Variants in NLGN4X observed in about 807,000 individuals in gnomAD.
NLGN4X encodes neuroligin 4 X-linked, also known as neuroligin-4, X-linked.
NLGN4X carries 3 observed loss-of-function variants against 40.3 expected under a neutral mutation model. The observed-to-expected ratio is 0.07, with a 90% CI of 0.03 to 0.19. The LOEUF (loss-of-function observed/expected upper bound fraction) is 0.19. Ranked by LOEUF, NLGN4X falls within the 10% of genes least tolerant of loss-of-function variation. The pLI is 1.00. For missense variants in NLGN4X, 382 were observed against 708.3 expected, an observed-to-expected ratio of 0.54 and a Z score of 5.23; for synonymous variants, 270 against 306.8, an observed-to-expected ratio of 0.88 and a Z score of 1.25.
chrX:6,121,056 C>A (rs1282274445), intron 2 of NLGN4X, among the ~76,000 whole-genome samples: 1 of 110,416 alleles, frequency 9.1e-6, no homozygotes, highest in Non-Finnish European at 1.9e-5. Context: ...TGAGCTTCGT[C>A]CAAAATCATT....
Position 5,892,586 on chromosome X carries a change from C to T in NLGN4X, c.*231G>A. 2.4e-6 allele frequency: 1 copy of T among 424,186 alleles called. No homozygotes were observed. Among genetic ancestry groups the T allele is most frequent in the Non-Finnish European group, 4.1e-6 (1 of 245,118 alleles). The allele number at this position is 424,186 out of a possible 1,213,427, so 35.0% of individuals were successfully genotyped here. Reference sequence around the variant, plus strand: ...GTTATTTTAACAGAAATGTGTACTTCTCACATTTCACAGGGTCAGAAGTTG... The same window carrying T: ...GTTATTTTAACAGAAATGTGTACTTTTCACATTTCACAGGGTCAGAAGTTG... On this transcript the variant is annotated 3_prime_UTR_variant, in exon 6 of 6. Coordinates refer to ENST00000381095, the MANE Select transcript of NLGN4X (RefSeq NM_181332.3).
At chrX:5,910,879 T>C (rs1185391182) in intron 3 of NLGN4X, among the ~76,000 whole-genome samples, 1 of 111,687 alleles carries the variant, frequency 9.0e-6, no homozygotes, top group African/African-American at 3.3e-5. Flanking sequence ...GTGATCTTCT[T>C]TAAAGTTCAG....
chrX:5,945,050 C>T (rs1486869273), intron 3 of NLGN4X, among the ~76,000 whole-genome samples: 2 of 112,064 alleles, frequency 1.8e-5, no homozygotes, highest in Non-Finnish European at 3.8e-5. Context: ...TAATAAGTAA[C>T]ACTAATAACA....
At chrX:5,980,199 TA>T (rs2035342902) in intron 3 of NLGN4X, among the ~76,000 whole-genome samples, 1 of 105,704 alleles carries the variant, frequency 9.5e-6, no homozygotes, top group African/African-American at 3.6e-5. Context: ...ATATGTCTAA[TA>T]CCATATATAC....
At chrX:6,038,110 C>T (rs1346840378) in intron 2 of NLGN4X, among the ~76,000 whole-genome samples, 3 of 112,045 alleles carry the variant, frequency 2.7e-5, no homozygotes, top group Non-Finnish European at 3.8e-5. Flanking sequence ...ATCATTCCAA[C>T]GGGGCAGGAA....
In NLGN4X at chrX:6,221,018, G is replaced by A. The variant is rs746680403; in HGVS notation, c.-306+7523C>T. On this transcript the variant is annotated intron_variant, in intron 1 of 5. Transcript: ENST00000381095. ...CTCCCAAAGTGCTGGGATTACAGGC[G>A]TGAGCCACCACGCCTGGCCAACTTT... Among the ~76,000 whole-genome samples the A allele has an allele frequency of 7.3e-5, 8 of 110,278 alleles. No individual in the cohort carries two copies. In the South Asian group the frequency reaches 1.1e-3, roughly 16 times the overall value.
rs1185857980 is a variant in NLGN4X at position 5,899,676 on chromosome X, TTCTG to T, written c.1601+3397_1601+3400del. On this transcript the variant is annotated intron_variant, in intron 5 of 5. Transcript: ENST00000381095. ...GAACTAATTAACTTCCTTTATCTTT[TTCTG>T]TCTTTTTTCCTTTTTTTTTTTTTTT... Among the ~76,000 whole-genome samples, 7 of 104,255 alleles carry T rather than the reference TTCTG, an allele frequency of 6.7e-5. No individual in the cohort carries two copies. The East Asian group carries it at 2.0e-3, about 29-fold the overall frequency. The allele number at this position is 104,255 out of a possible 115,157, so 90.5% of individuals were successfully genotyped here.
chrX:6,046,868 T>C (rs202149672), intron 2 of NLGN4X, among the ~76,000 whole-genome samples: 2 of 38,543 alleles, frequency 5.2e-5, no homozygotes, highest in Admixed American at 5.1e-4. Flanking sequence ...TATATACACA[T>C]GTCTGTATAC....
chrX:6,140,158 A>T (rs1166979039), intron 2 of NLGN4X, among the ~76,000 whole-genome samples: 1 of 111,307 alleles, frequency 9.0e-6, no homozygotes, highest in African/African-American at 3.3e-5. Context: ...TCTTGTTGAA[A>T]CCCACCACAA....
At chrX:6,055,489 G>C (rs910390372) in intron 2 of NLGN4X, among the ~76,000 whole-genome samples, 1 of 111,400 alleles carries the variant, frequency 9.0e-6, no homozygotes, top group Non-Finnish European at 1.9e-5. Flanking sequence ...AACTACTATA[G>C]GGTGCTGGTT....
intron 3 of NLGN4X, among the ~76,000 whole-genome samples, chrX:5,950,639 T>C (rs989505264): frequency 8.9e-6 from 1 of 112,101 alleles, no homozygotes; most frequent in Non-Finnish European, 1.9e-5. Flanking sequence ...TGAAAGTGTA[T>C]AACCATAAGG....
chrX:6,075,677 G>A (rs1477872880), intron 2 of NLGN4X, among the ~76,000 whole-genome samples: 3 of 110,734 alleles, frequency 2.7e-5, no homozygotes, highest in Non-Finnish European at 3.8e-5. Context: ...AGAGCTGACT[G>A]TTTAAAAGAG....
At chrX:6,059,560 G>C (rs1275778671) in intron 2 of NLGN4X, among the ~76,000 whole-genome samples, 1 of 111,490 alleles carries the variant, frequency 9.0e-6, no homozygotes, top group African/African-American at 3.3e-5. Flanking sequence ...GGCTCCTCCT[G>C]AACTGCTTCG....
At chrX:6,211,052 G>A (rs968469779) in intron 1 of NLGN4X, among the ~76,000 whole-genome samples, 1 of 112,331 alleles carries the variant, frequency 8.9e-6, no homozygotes, top group East Asian at 2.8e-4. Context: ...TAAAGATTAG[G>A]CTATCCATTC....
intron 1 of NLGN4X, among the ~76,000 whole-genome samples, chrX:6,221,391 TTATATA>T (rs60897428): frequency 0.24 from 12,826 of 53,248 alleles, 1,519 homozygotes; most frequent in Admixed American, 0.41. Flanking sequence ...CCTTCTTATA[TTATATA>T]TATATATATA....
In NLGN4X at chrX:5,892,497, G is replaced by A. The variant is rs1291263822; in HGVS notation, c.*320C>T. 4 of 271,951 alleles carry A rather than the reference G, an allele frequency of 1.5e-5. No individual in the cohort carries two copies. The highest frequency in any genetic ancestry group is 2.6e-5 in the Non-Finnish European group (4 of 152,060). The allele number at this position is 271,951 out of a possible 1,213,427, so 22.4% of individuals were successfully genotyped here. Reference sequence around the variant, plus strand: ...CTTCCATGACGTTGGAAACACCCGGGGCCTTGAAATGGTGATGTCCTATCA... The same window carrying A: ...CTTCCATGACGTTGGAAACACCCGGAGCCTTGAAATGGTGATGTCCTATCA... On this transcript the variant is annotated 3_prime_UTR_variant, in exon 6 of 6. Coordinates refer to ENST00000381095, the MANE Select transcript of NLGN4X (RefSeq NM_181332.3).
chrX:6,142,012 C>A (rs933834571), intron 2 of NLGN4X, among the ~76,000 whole-genome samples: 1 of 110,713 alleles, frequency 9.0e-6, no homozygotes, highest in East Asian at 2.8e-4. Context: ...TTCCAGTGGA[C>A]TAGTTGTACC....
chrX:6,173,733 A>C, intron 1 of NLGN4X, among the ~76,000 whole-genome samples: 1 of 112,000 alleles, frequency 8.9e-6, no homozygotes, highest in Non-Finnish European at 1.9e-5. Flanking sequence ...ACCTTAGCAT[A>C]AAAACTGAGT....
At chrX:6,026,724 C>T (rs182486269) in intron 3 of NLGN4X, among the ~76,000 whole-genome samples, 1 of 111,632 alleles carries the variant, frequency 9.0e-6, no homozygotes, top group African/African-American at 3.3e-5. Flanking sequence ...CATAGAGATG[C>T]TAAATCGCTT....
Sources: gnomAD v4.1 joint callset for allele counts (sites outside exome capture counted in the v4.1 genomes callset) on GRCh38, gnomAD v4.1.1 for gene constraint, MANE v1.5 for transcripts, NCBI Gene and HGNC (gene_info 2026-07-23, HGNC 2026-07-21) for gene names.